The following AMMECR1L variants were observed in gnomAD, a reference collection of about 807,000 sequenced individuals.
The protein encoded by AMMECR1L is AMMECR1 like, also known as AMMECR1-like protein.
AMMECR1L carries 4 observed loss-of-function variants against 36.8 expected under a neutral mutation model. The observed-to-expected ratio is 0.11, with a 90% confidence interval of 0.05 to 0.25. The LOEUF (loss-of-function observed/expected upper bound fraction) is 0.25, where lower values mean the gene tolerates loss of function less well. Ranked by LOEUF, AMMECR1L falls within the 10% of genes least tolerant of loss-of-function variation. The pLI is 1.00. For synonymous variants in AMMECR1L, 147 were observed against 148.0 expected (o/e 0.99, Z 0.05); for missense variants, 232 against 392.1 (o/e 0.59, Z 3.45).
In AMMECR1L at chr2:127,865,837, G is replaced by A. The variant is rs540782928; in HGVS notation, c.822-632C>T. 3.4e-4 allele frequency among the ~76,000 whole-genome samples: 52 copies of A among 152,290 alleles called. No homozygotes were observed. Among genetic ancestry groups the A allele is most frequent in the African/African-American group, 1.0e-3 (42 of 41,560 alleles). On this transcript the variant is annotated intron_variant, in intron 7 of 7. Coordinates refer to ENST00000272647, the MANE Select transcript of AMMECR1L (RefSeq NM_001199140.2). This position sits in a 1 kb window ranked among gnomAD's most constrained non-coding sequence, Gnocchi z 5.4. ...TGGAAAGAGCCATGAGTCAGGATGC[G>A]AAGCATGGGGTGTTACAAACCTATG...
chr2:127,866,423 T>C (rs1301002437), intron 7 of AMMECR1L, among the ~76,000 whole-genome samples: 1 of 152,222 alleles, frequency 6.6e-6, no homozygotes, highest in East Asian at 1.9e-4. Context: ...TCCAAGTCCA[T>C]CTGCATTCTA....
rs756556576 is a variant in AMMECR1L, at chr2:127,869,560, C to A, written c.634-16G>T. On this transcript the variant is annotated splice_polypyrimidine_tract_variant and intron_variant, in intron 5 of 7. Coordinates refer to ENST00000272647, the MANE Select transcript of AMMECR1L (RefSeq NM_001199140.2). This position sits in a 1 kb window ranked among gnomAD's most constrained non-coding sequence, Gnocchi z 4.7. ...GGACCCCTACCTATAGAAAAAAGTA[C>A]AACCAAGTAAATGGCATTTACTTAC... is the stretch of plus-strand genomic sequence containing the variant. The A allele has an allele frequency of 1.3e-6, 2 of 1,597,236 alleles. No individual in the cohort carries two copies. Among genetic ancestry groups the A allele is most frequent in the Admixed American group, 3.3e-5 (2 of 59,986 alleles).
rs761431970 is a variant in AMMECR1L at position 127,869,583 on chromosome 2, T to TA, written c.634-40dup. The TA allele has an allele frequency of 3.3e-5, 50 of 1,517,570 alleles. No individual in the cohort carries two copies. Among genetic ancestry groups the TA allele is most frequent in the Admixed American group, 1.0e-4 (6 of 59,882 alleles). 94.0% of individuals were successfully genotyped at this position (1,517,570 alleles called of 1,614,324 possible). A position where few individuals can be genotyped will look rare whatever the true frequency, so the allele number is the denominator to read the frequency against. On this transcript the variant is annotated intron_variant, in intron 5 of 7. Coordinates refer to ENST00000272647, the MANE Select transcript of AMMECR1L (RefSeq NM_001199140.2). This position sits in a 1 kb window ranked among gnomAD's most constrained non-coding sequence, Gnocchi z 4.7. ...TACAACCAAGTAAATGGCATTTACT[T>TA]ACTCTAATGGAACTTCAGTCCCCAC...
chr2:127,884,368 T>G lies in AMMECR1L; in HGVS notation c.-148-56A>C, dbSNP rs368259954. 5 of 139,808 alleles carry G rather than the reference T, an allele frequency of 3.6e-5. No individual in the cohort carries two copies. The East Asian group carries it at 1.1e-3, about 30-fold the overall frequency. The allele number at this position is 139,808 out of a possible 1,614,324, so 8.7% of individuals were successfully genotyped here. On this transcript the variant is annotated intron_variant, in intron 1 of 7. Coordinates refer to ENST00000272647, the MANE Select transcript of AMMECR1L (RefSeq NM_001199140.2). ...ACACCCAGGTAGTGCAGAGGTAAGATAGATACGGTTTCTGAAAAATCACAA... is the reference window on the plus strand; with the variant it reads ...ACACCCAGGTAGTGCAGAGGTAAGAGAGATACGGTTTCTGAAAAATCACAA...
At chr2:127,877,691 A>G (rs1165330341) in intron 2 of AMMECR1L, among the ~76,000 whole-genome samples, 1 of 152,198 alleles carries the variant, frequency 6.6e-6, no homozygotes, top group East Asian at 1.9e-4. Flanking sequence ...CTGGAACTAC[A>G]AGAAAGAATG....
chr2:127,877,517 G>C (rs1691304335), intron 2 of AMMECR1L, among the ~76,000 whole-genome samples: 1 of 151,992 alleles, frequency 6.6e-6, no homozygotes, highest in Non-Finnish European at 1.5e-5. Context: ...TGTATTTTTA[G>C]TAGAGATGGT....
chr2:127,866,248 T>C (rs1013759783), intron 7 of AMMECR1L, among the ~76,000 whole-genome samples: 10 of 152,196 alleles, frequency 6.6e-5, no homozygotes, highest in Non-Finnish European at 1.3e-4. Context: ...TCACCTACAA[T>C]GTTGACTGGC....
chr2:127,873,774 C>T lies in AMMECR1L; in HGVS notation c.407+54G>A. On this transcript the variant is annotated intron_variant, in intron 3 of 7. Transcript: ENST00000272647. This position sits in a 1 kb window ranked among gnomAD's most constrained non-coding sequence, Gnocchi z 5.2. The stretch of plus-strand genomic sequence containing the variant: ...AGCAGACCCTCTCAAGAGAATCACC[C>T]CAGAAAGATGTCACCATGCCTTCCT... 3 of 1,611,240 alleles carry T rather than the reference C, an allele frequency of 1.9e-6. No individual in the cohort carries two copies. Among genetic ancestry groups the T allele is most frequent in the Non-Finnish European group, 2.5e-6 (3 of 1,179,652 alleles).
chr2:127,882,499 A>G (rs1013091929), intron 2 of AMMECR1L, among the ~76,000 whole-genome samples: 2 of 152,214 alleles, frequency 1.3e-5, no homozygotes, highest in African/African-American at 2.4e-5. Flanking sequence ...ACCATACCAA[A>G]TAATCATTTA....
At chr2:127,867,060 G>A in intron 6 of AMMECR1L, 64 bp from the exon 7 acceptor site, 1 of 1,604,386 alleles carries the variant, frequency 6.2e-7, no homozygotes, top group Non-Finnish European at 8.5e-7. Context: ...GCTCTCACAT[G>A]GCCCGTGCAA....
At chr2:127,875,281 G>A (rs1033930654) in intron 2 of AMMECR1L, among the ~76,000 whole-genome samples, 1 of 152,086 alleles carries the variant, frequency 6.6e-6, no homozygotes, top group African/African-American at 2.4e-5. Context: ...ATAGAGCCTA[G>A]TTATTTCAAT....
In AMMECR1L at chr2:127,874,379, T is replaced by A; in HGVS notation, c.-38-107A>T. ...ATTGACCAGCTAAGAGCTGTCAAAT[T>A]CTTTCTCCCACTCAACCTCCAGGTC... On this transcript the variant is annotated intron_variant, in intron 2 of 7. Coordinates refer to ENST00000272647, the MANE Select transcript of AMMECR1L (RefSeq NM_001199140.2). The surrounding 1 kb of genome is among the most constrained non-coding windows in gnomAD (Gnocchi z 5.2). 3 of 1,079,800 alleles carry A rather than the reference T, an allele frequency of 2.8e-6. No homozygotes were observed. Among genetic ancestry groups the A allele is most frequent in the Non-Finnish European group, 3.9e-6 (3 of 769,752 alleles). The allele number at this position is 1,079,800 out of a possible 1,614,324, so 66.9% of individuals were successfully genotyped here.
At chr2:127,882,398 T>G (rs184296145) in intron 2 of AMMECR1L, among the ~76,000 whole-genome samples, 2 of 152,370 alleles carry the variant, frequency 1.3e-5, no homozygotes, top group East Asian at 3.9e-4. Flanking sequence ...AATTACATTA[T>G]GGGTACTGAA....
Position 127,865,291 on chromosome 2 carries a change from T to G in AMMECR1L, c.822-86A>C. The G allele has an allele frequency of 6.5e-6, 5 of 768,090 alleles. No individual in the cohort carries two copies. Among genetic ancestry groups the G allele is most frequent in the Non-Finnish European group, 1.0e-5 (5 of 494,922 alleles). The allele number at this position is 768,090 out of a possible 1,614,324, so 47.6% of individuals were successfully genotyped here. ...TCAGCAGAGAAAAACCAAAAGCTTA[T>G]TCCACATTTTGAAAGAATAAAATGG... On this transcript the variant is annotated intron_variant, in intron 7 of 7. Transcript: ENST00000272647. This position sits in a 1 kb window ranked among gnomAD's most constrained non-coding sequence, Gnocchi z 5.4.
chr2:127,869,343 C>T lies in AMMECR1L; in HGVS notation c.724+111G>A. 1 of 1,033,622 alleles carries T rather than the reference C, an allele frequency of 9.7e-7. No individual in the cohort carries two copies. The highest frequency in any genetic ancestry group is 1.5e-6 in the Non-Finnish European group (1 of 671,584). 64.0% of individuals were successfully genotyped at this position (1,033,622 alleles called of 1,614,324 possible). A position where few individuals can be genotyped will look rare whatever the true frequency, so the allele number is the denominator to read the frequency against. ...ACAGGTATTAAGAGGCAGAAAGGCC[C>T]TCATTCTCAGCTGCAGTTGGGCTGC... On this transcript the variant is annotated intron_variant, in intron 6 of 7. Coordinates refer to ENST00000272647, the MANE Select transcript of AMMECR1L (RefSeq NM_001199140.2). The surrounding 1 kb of genome is among the most constrained non-coding windows in gnomAD (Gnocchi z 4.7).
At chr2:127,867,642 A>G (rs1223695629) in intron 6 of AMMECR1L, among the ~76,000 whole-genome samples, 3 of 152,158 alleles carry the variant, frequency 2.0e-5, no homozygotes, top group African/African-American at 4.8e-5. Flanking sequence ...GCTACTCAGG[A>G]GGCTGAGGTG....
In AMMECR1L at chr2:127,863,402, G is replaced by C. The variant is rs150386004; in HGVS notation, c.*1692C>G. On this transcript the variant is annotated 3_prime_UTR_variant, in exon 8 of 8. Coordinates refer to ENST00000272647, the MANE Select transcript of AMMECR1L (RefSeq NM_001199140.2). ...CAGGTCCTCTCGAGCAGCACAGGAC[G>C]GTGTGGAGCAAACCCACTCACCCTT... is the stretch of plus-strand genomic sequence containing the variant. The C allele has an allele frequency of 6.6e-6, 1 of 152,178 alleles. No individual in the cohort carries two copies. The highest frequency in any genetic ancestry group is 2.4e-5 in the African/African-American group (1 of 41,394). The allele number at this position is 152,178 out of a possible 1,614,324, so 9.4% of individuals were successfully genotyped here. A position where few individuals can be genotyped will look rare whatever the true frequency, so the allele number is the denominator to read the frequency against.
At chr2:127,885,222 A>C in intron 1 of AMMECR1L, 1 of 985,258 alleles carries the variant, frequency 1.0e-6, no homozygotes, top group Non-Finnish European at 1.2e-6. Flanking sequence ...TGCGCGTGTG[A>C]AGAGTGTTAA....
chr2:127,872,912 C>T, intron 3 of AMMECR1L: 1 of 876,934 alleles, frequency 1.1e-6, no homozygotes, highest in Non-Finnish European at 1.4e-6. Context: ...ACACTTCCCT[C>T]CAGGTTTCCT....
Sources: gnomAD v4.1 joint callset for allele counts (sites outside exome capture counted in the v4.1 genomes callset) on GRCh38, gnomAD v4.1.1 for gene constraint, Gnocchi (gnomAD v3.1) non-coding constraint, MANE v1.5 for transcripts, NCBI Gene and HGNC (gene_info 2026-07-23, HGNC 2026-07-21) for gene names.